Variants in MCF2L observed in about 807,000 individuals in gnomAD.
The protein encoded by MCF2L is guanine nucleotide exchange factor DBS.
In MCF2L, 97 loss-of-function variants were observed where a neutral mutation model predicts 153.4. The observed-to-expected ratio is 0.63, with a 90% CI of 0.54 to 0.75. The LOEUF is 0.75. Among genes scored for constraint, MCF2L ranks in the 30% least tolerant of loss-of-function variants. MCF2L has a pLI of 0.00. For missense variants in MCF2L, 1,347 were observed against 1,495.2 expected (o/e 0.90, Z 1.64); for synonymous variants, 659 against 632.2 (o/e 1.04, Z -0.64).
At chr13:113,018,843 C>T (rs991832201) in intron 2 of MCF2L, among the ~76,000 whole-genome samples, 1 of 152,226 alleles carries the variant, frequency 6.6e-6, no homozygotes, top group African/African-American at 2.4e-5. Context: ...TGGACGGCGG[C>T]CCCCCTCCCA....
intron 2 of MCF2L, among the ~76,000 whole-genome samples, chr13:112,959,285 C>A (rs1207211888): frequency 6.6e-6 from 1 of 152,138 alleles, no homozygotes; most frequent in African/African-American, 2.4e-5. Context: ...TCCACTCTGG[C>A]CCCAGCAGTT....
chr13:112,926,351 G>C (rs1276364162), intron 2 of MCF2L, among the ~76,000 whole-genome samples: 4 of 151,990 alleles, frequency 2.6e-5, no homozygotes, highest in Non-Finnish European at 1.5e-5. Context: ...ACACAACGGA[G>C]TGCTGCACGG....
chr13:112,917,701 G>A (rs1444724913), intron 2 of MCF2L, among the ~76,000 whole-genome samples: 1 of 152,236 alleles, frequency 6.6e-6, no homozygotes, highest in Non-Finnish European at 1.5e-5. Flanking sequence ...CCTCCTTGGT[G>A]TCTTCCTGTT....
chr13:113,086,842 A>T (rs2142042176), intron 21 of MCF2L, among the ~76,000 whole-genome samples: 1 of 152,228 alleles, frequency 6.6e-6, no homozygotes, highest in Admixed American at 6.5e-5. Context: ...CCTAGTGTTG[A>T]CATTTAGCAT....
intron 2 of MCF2L, among the ~76,000 whole-genome samples, chr13:112,924,489 A>T (rs766503480): frequency 2.0e-5 from 3 of 152,198 alleles, no homozygotes; most frequent in African/African-American, 7.2e-5. Context: ...AATGGGAGAG[A>T]TAATATTTAT....
At position 113,034,798 on chromosome 13, in the gene MCF2L, C is replaced by T. The variant is rs554847791; in HGVS notation, c.278+10040C>T. ...TCAGGGTCCAGACACAGCTCAGAAC[C>T]GACCTTCCTTGGGGAGTGACAGTCC... is the stretch of plus-strand genomic sequence containing the variant. On this transcript the variant is annotated intron_variant, in intron 3 of 29. Transcript: ENST00000535094. Among the ~76,000 whole-genome samples, 205 of 152,336 alleles carry T rather than the reference C, an allele frequency of 1.3e-3. 4 individuals are homozygous for T. The highest frequency in any genetic ancestry group is 2.1e-4 in the Non-Finnish European group (14 of 68,034).
chr13:113,088,758 T>C, intron 25 of MCF2L, 130 bp downstream of exon 25: 1 of 919,460 alleles, frequency 1.1e-6, no homozygotes, highest in Non-Finnish European at 1.7e-6. Flanking sequence ...AGGCCCCTGG[T>C]GTTTATGTGC....
chr13:113,007,753 G>A (rs935125093), intron 1 of MCF2L, among the ~76,000 whole-genome samples: 1 of 152,182 alleles, frequency 6.6e-6, no homozygotes, highest in Non-Finnish European at 1.5e-5. Flanking sequence ...ACTTCAGGCG[G>A]CTCTGTGTCG....
rs1263197499 is a variant in MCF2L at position 113,075,072 on chromosome 13, C to T, written c.1191C>T (p.Asp397=). 6.2e-7 allele frequency: 1 copy of T among 1,613,894 alleles called. No homozygotes were observed. The highest frequency in any genetic ancestry group is 1.1e-5 in the South Asian group (1 of 91,084). The part of the protein sequence containing the change: ...QLIGNKHYAV[D]SIRPKCQELR... ...TTGGGAACAAGCACTACGCGGTAGA[C>T]TCCATCCGCCCAAAGTGCCAGGAGC... The change falls in exon 11 of 30, where the codon GAC becomes GAT. Residue 397 remains aspartate (D), a synonymous_variant. Transcript: ENST00000535094.
chr13:113,082,004 G>A (rs1439415936), intron 16 of MCF2L, among the ~76,000 whole-genome samples: 1 of 151,502 alleles, frequency 6.6e-6, no homozygotes, highest in Non-Finnish European at 1.5e-5. Flanking sequence ...GTGTGCACAG[G>A]TGGTGACCAC....
intron 3 of MCF2L, among the ~76,000 whole-genome samples, chr13:113,034,936 G>C (rs1378842683): frequency 6.6e-6 from 1 of 152,348 alleles, no homozygotes; most frequent in East Asian, 1.9e-4. Context: ...AGGCAAGGCA[G>C]GCCCGCAGTC....
At chr13:112,988,079 G>A (rs931794808) in intron 1 of MCF2L, among the ~76,000 whole-genome samples, 1 of 152,242 alleles carries the variant, frequency 6.6e-6, no homozygotes, top group African/African-American at 2.4e-5. Flanking sequence ...TCCTTCTGGA[G>A]GTGCACATGC....
chr13:112,982,696 T>G (rs3011545), intron 1 of MCF2L, among the ~76,000 whole-genome samples: 105,925 of 151,458 alleles, frequency 0.7, 37,248 homozygotes, highest in African/African-American at 0.74. Context: ...CCATGCCGCT[T>G]ACCCTCAGGA....
chr13:113,026,899 G>A, intron 3 of MCF2L: 2 of 763,050 alleles, frequency 2.6e-6, no homozygotes, highest in Non-Finnish European at 4.9e-6. Flanking sequence ...TCAGGCCGGT[G>A]AGCTGCAGGC....
Position 112,983,353 on chromosome 13 carries a change from T to C in MCF2L, c.79+13895T>C, listed in dbSNP as rs1018948161. 1.3e-5 allele frequency among the ~76,000 whole-genome samples: 2 copies of C among 152,222 alleles called. No homozygotes were observed. Among genetic ancestry groups the C allele is most frequent in the Non-Finnish European group, 2.9e-5 (2 of 68,036 alleles). On this transcript the variant is annotated intron_variant, in intron 1 of 29. Coordinates refer to ENST00000535094, the MANE Select transcript of MCF2L (RefSeq NM_001112732.3). The surrounding 1 kb of genome is among the most constrained non-coding windows in gnomAD (Gnocchi z 4.0). Reference sequence around the variant, plus strand: ...TTGGCTTCCCATCTGCTGGGGAGTGTGCCCAGTGGCACTGCGGAAACCCAG... The same window carrying C: ...TTGGCTTCCCATCTGCTGGGGAGTGCGCCCAGTGGCACTGCGGAAACCCAG...
intron 2 of MCF2L, among the ~76,000 whole-genome samples, chr13:112,931,422 G>A (rs1050740485): frequency 3.5e-4 from 54 of 152,220 alleles, no homozygotes; most frequent in African/African-American, 9.9e-4. Context: ...AGCTGTCTGC[G>A]GATGGGAGCT....
At position 113,045,499 on chromosome 13, in the gene MCF2L, C is replaced by T. The variant is rs553815176; in HGVS notation, c.369+138C>T. ...GAGCCCAGTCCCGGCGGGTGGAGGC[C>T]GGCGCCAAGGCCCCCCCTGCTTGGG... On this transcript the variant is annotated intron_variant, in intron 4 of 29. Transcript: ENST00000535094. This position sits in a 1 kb window ranked among gnomAD's most constrained non-coding sequence, Gnocchi z 4.2. 670 of 752,820 alleles carry T rather than the reference C, an allele frequency of 8.9e-4. 7 individuals are homozygous for T. The South Asian group carries it at 0.011, about 12-fold the overall frequency. 46.6% of individuals were successfully genotyped at this position (752,820 alleles called of 1,614,324 possible).
chr13:112,922,401 C>G (rs973146264), intron 2 of MCF2L, among the ~76,000 whole-genome samples: 15 of 152,140 alleles, frequency 9.9e-5, no homozygotes, highest in Non-Finnish European at 1.9e-4. Flanking sequence ...TTTAATGTCA[C>G]TTTATGTAGT....
chr13:112,898,035 G>A (rs1253493681), intron 1 of MCF2L, among the ~76,000 whole-genome samples: 1 of 152,216 alleles, frequency 6.6e-6, no homozygotes, highest in Non-Finnish European at 1.5e-5. Flanking sequence ...TCACTCTTTA[G>A]GGAAGGTCTC....
Sources: gnomAD v4.1 joint callset for allele counts (sites outside exome capture counted in the v4.1 genomes callset) on GRCh38, gnomAD v4.1.1 for gene constraint, Gnocchi (gnomAD v3.1) non-coding constraint, MANE v1.5 for transcripts, NCBI Gene and HGNC (gene_info 2026-07-23, HGNC 2026-07-21) for gene names.